SPINK5: variants seen among roughly 807,000 people sequenced by gnomAD.
SPINK5 encodes the protein serine peptidase inhibitor Kazal type 5.
In SPINK5, 125 loss-of-function variants were observed where a neutral mutation model predicts 151.8. The ratio of observed to expected loss-of-function variants is 0.82; its 90% CI spans 0.71 to 0.96. The LOEUF (loss-of-function observed/expected upper bound fraction) is 0.96. Ranked by LOEUF, SPINK5 falls within the 40% of genes least tolerant of loss-of-function variation. The pLI, the probability that SPINK5 is intolerant of heterozygous loss-of-function variation, is 0.00. For synonymous variants in SPINK5, 374 were observed against 395.3 expected, an observed-to-expected ratio of 0.95 and a Z score of 0.64; for missense variants, 1,194 against 1,291.9, an observed-to-expected ratio of 0.92 and a Z score of 1.16.
chr5:148,082,769 C>G (rs1753055153), intron 4 of SPINK5, among the ~76,000 whole-genome samples: 1 of 58,290 alleles, frequency 1.7e-5, no homozygotes, highest in Non-Finnish European at 2.8e-5. Context: ...GCCACCTCGC[C>G]CGGCTAATTT....
chr5:148,083,892 T>C (rs978096073), intron 4 of SPINK5, among the ~76,000 whole-genome samples: 2 of 151,734 alleles, frequency 1.3e-5, no homozygotes, highest in African/African-American at 2.4e-5. Flanking sequence ...TCTGATCATC[T>C]GGTTCACAAG....
chr5:148,083,231 AGT>A lies in SPINK5; in HGVS notation c.283-3171_283-3170del, dbSNP rs1180621166. 7.3e-5 allele frequency among the ~76,000 whole-genome samples: 11 copies of A among 151,236 alleles called. No individual in the cohort carries two copies. In the East Asian group the frequency reaches 2.2e-3, roughly 30 times the overall value. Reference sequence around the variant, plus strand: ...TTTTTGGACTCAATTCTAATTTTTAAGTGTTAATATTGCTGCATATGCTCTCT... The same window carrying A: ...TTTTTGGACTCAATTCTAATTTTTAAGTTAATATTGCTGCATATGCTCTCT... On this transcript the variant is annotated intron_variant, in intron 4 of 32. Transcript: ENST00000256084.
chr5:148,136,413 G>A (rs1196533899), intron 32 of SPINK5, among the ~76,000 whole-genome samples: 2 of 152,112 alleles, frequency 1.3e-5, no homozygotes, highest in Non-Finnish European at 2.9e-5. Context: ...CGTGCCCCAG[G>A]TGGTACTAGT....
chr5:148,124,077 C>G (rs1240292714), intron 27 of SPINK5, 117 bp downstream of exon 27: 1 of 1,160,882 alleles, frequency 8.6e-7, no homozygotes, highest in African/African-American at 1.5e-5. Flanking sequence ...ATGATACCTC[C>G]TCTCTTTTGA....
intron 30 of SPINK5, among the ~76,000 whole-genome samples, chr5:148,128,446 T>C (rs1754488833): frequency 6.6e-6 from 1 of 152,170 alleles, no homozygotes; most frequent in Non-Finnish European, 1.5e-5. Context: ...ATTTTTTTCA[T>C]CAAGCCGGCA....
At chr5:148,113,058 G>A (rs1753986695) in intron 20 of SPINK5, 124 bp downstream of exon 20, 1 of 1,481,498 alleles carries the variant, frequency 6.7e-7, no homozygotes, top group Non-Finnish European at 9.1e-7. Flanking sequence ...TAGTCCAGGG[G>A]TTGAGAAACT....
intron 21 of SPINK5, among the ~76,000 whole-genome samples, chr5:148,115,848 G>C (rs1754072677): frequency 6.9e-6 from 1 of 145,140 alleles, no homozygotes; most frequent in African/African-American, 2.6e-5. Flanking sequence ...TTCTTATGGA[G>C]TCCCACTCTG....
At chr5:148,072,289 T>A (rs577201784) in intron 4 of SPINK5, 69 bp downstream of exon 4, 1 of 1,507,902 alleles carries the variant, frequency 6.6e-7, no homozygotes, top group African/African-American at 1.4e-5. Flanking sequence ...GCTATCTGTT[T>A]ATTCCTTAAT....
Position 148,120,311 on chromosome 5 carries a change from GAAA to G in SPINK5, c.2466_2468del (p.Lys824del), listed in dbSNP as rs565782662. On this transcript the variant is annotated inframe_deletion, in exon 26 of 33. Coordinates refer to ENST00000256084, the MANE Select transcript of SPINK5 (RefSeq NM_006846.4). ...TCCCCCCAGGGAAAGGGAAGCAGCT[GAAA>G]AAAAAAAGAAAGAGGATGAAGACAG... is the stretch of plus-strand genomic sequence containing the variant. The G allele has an allele frequency of 6.5e-7, 1 of 1,533,124 alleles. No individual in the cohort carries two copies. 95.0% of individuals were successfully genotyped at this position (1,533,124 alleles called of 1,614,324 possible). A position where few individuals can be genotyped will look rare whatever the true frequency, so the allele number is the denominator to read the frequency against.
chr5:148,097,546 T>C (rs1261250596), intron 10 of SPINK5, among the ~76,000 whole-genome samples: 2 of 152,090 alleles, frequency 1.3e-5, no homozygotes, highest in African/African-American at 4.8e-5. Flanking sequence ...ATTCTTTTCA[T>C]TGTACTTGTA....
Position 148,125,745 on chromosome 5 carries a change from A to G in SPINK5, c.2762A>G (p.Asn921Ser), listed in dbSNP as rs73271166. Residue 921 changes from asparagine to serine, a missense_variant, in exon 29 of 33, where the codon AAC (asparagine) becomes AGC (serine). Coordinates refer to ENST00000256084, the MANE Select transcript of SPINK5 (RefSeq NM_006846.4). ...TAGGATGAGTGCAGTGAATTTCGAAACTATATAAGGAACAATGAACTCATC... is the reference window on the plus strand; with the variant it reads ...TAGGATGAGTGCAGTGAATTTCGAAGCTATATAAGGAACAATGAACTCATC... ...NAKDECSEFR[N>S]YIRNNELICP... 4,141 of 1,614,128 alleles carry G rather than the reference A, an allele frequency of 2.6e-3. 99 individuals carry two copies. The African/African-American group carries it at 0.049, about 19-fold the overall frequency.
chr5:148,084,560 G>A (rs1180985205), intron 4 of SPINK5, among the ~76,000 whole-genome samples: 4 of 151,780 alleles, frequency 2.6e-5, no homozygotes, highest in African/African-American at 9.7e-5. Flanking sequence ...GACCTAGTTA[G>A]TACGTTGCTG....
At chr5:148,093,904 ATATGTTG>A (rs1753383351) in intron 8 of SPINK5, among the ~76,000 whole-genome samples, 1 of 151,964 alleles carries the variant, frequency 6.6e-6, no homozygotes, top group Admixed American at 6.6e-5. Flanking sequence ...ATCCTCATTA[ATATGTTG>A]TATGTATTTG....
rs377606671 is a variant in SPINK5 at position 148,131,345 on chromosome 5, T to C, written c.3051T>C (p.Asp1017=). ...PKDLKPVCGD[D]GQTYNNPCML... ...ATTTAAAGCCTGTCTGTGGTGACGA[T>C]GGCCAAACCTACAACAATCCTTGCA... The change falls in exon 31 of 33, where the codon GAT becomes GAC. Residue 1017 remains aspartate (D), a synonymous_variant. Coordinates refer to ENST00000256084, the MANE Select transcript of SPINK5 (RefSeq NM_006846.4). 3.1e-6 allele frequency: 5 copies of C among 1,613,876 alleles called. No homozygotes were observed. In the African/African-American group the frequency reaches 5.3e-5, roughly 17 times the overall value.
intron 17 of SPINK5, among the ~76,000 whole-genome samples, chr5:148,107,891 AC>A (rs1387043861): frequency 3.9e-5 from 6 of 152,128 alleles, no homozygotes; most frequent in Non-Finnish European, 7.3e-5. Flanking sequence ...CCTGAACTTA[AC>A]CCTAAAATAA....
Position 148,107,056 on chromosome 5 carries a change from G to A in SPINK5, c.1499G>A (p.Arg500Gln), listed in dbSNP as rs201428589. ...TCCCAGGAAATCTGCAGTGAATTTC[G>A]GGACCAAGTGAGGAATGGAACACTT... ...EAAKEICSEF[R>Q]DQVRNGTLIC... The change falls in exon 17 of 33, where the codon CGG becomes CAG. Residue 500 changes from arginine to glutamine, a missense_variant. Coordinates refer to ENST00000256084, the MANE Select transcript of SPINK5 (RefSeq NM_006846.4). 48 of 1,612,274 alleles carry A rather than the reference G, an allele frequency of 3.0e-5. No homozygotes were observed. The highest frequency in any genetic ancestry group is 1.6e-4 in the Middle Eastern group (1 of 6,072).
At chr5:148,133,935 C>T (rs761358930) in intron 32 of SPINK5, 48 bp downstream of exon 32, 2 of 1,592,750 alleles carry the variant, frequency 1.3e-6, no homozygotes, top group Non-Finnish European at 8.6e-7. Context: ...GTGAGGAGCA[C>T]TGGGTTCTGG....
intron 7 of SPINK5, among the ~76,000 whole-genome samples, chr5:148,090,176 C>T (rs1272749016): frequency 6.6e-6 from 1 of 151,894 alleles, no homozygotes; most frequent in Non-Finnish European, 1.5e-5. Context: ...TGGATAAGAT[C>T]TAATTAGTCT....
Position 148,089,551 on chromosome 5 carries a change from G to A in SPINK5, c.532G>A (p.Glu178Lys), listed in dbSNP as rs770431574. ...VRDGRLGCTR[E>K]NDPVLGPDGK... ...AGATGGAAGACTTGGATGCACAAGG[G>A]AAAATGATCCTGTTCTTGGTCCTGA... The change falls in exon 7 of 33, where the codon GAA (glutamate) becomes AAA (lysine). Residue 178 changes from glutamate to lysine, a missense_variant. Coordinates refer to ENST00000256084, the MANE Select transcript of SPINK5 (RefSeq NM_006846.4). The A allele has an allele frequency of 8.7e-6, 14 of 1,612,160 alleles. No homozygotes were observed. Among genetic ancestry groups the A allele is most frequent in the Middle Eastern group, 1.7e-4 (1 of 6,046 alleles).
Sources: allele counts gnomAD v4.1 joint callset (sites outside exome capture counted in the v4.1 genomes callset), GRCh38; gene constraint gnomAD v4.1.1; transcripts MANE v1.5; gene names NCBI Gene and HGNC (gene_info 2026-07-23, HGNC 2026-07-21).